Variants in NMU observed in about 807,000 individuals in gnomAD.
NMU encodes neuromedin-U.
Under a neutral mutation model 35.4 loss-of-function variants are expected in NMU, and 29 were observed. The ratio of observed to expected loss-of-function variants is 0.82; its 90% confidence interval spans 0.61 to 1.12. The LOEUF (loss-of-function observed/expected upper bound fraction) is 1.12, where lower values mean the gene tolerates loss of function less well. Ranked by LOEUF, NMU falls within the 50% of genes most tolerant of loss-of-function variation. The pLI, the probability that NMU is intolerant of heterozygous loss-of-function variation, is 0.00. For synonymous variants in NMU, 78 were observed against 81.3 expected, an observed-to-expected ratio of 0.96 and a Z score of 0.22; for missense variants, 199 against 206.2, an observed-to-expected ratio of 0.97 and a Z score of 0.21.
At chr4:55,629,337 G>A (rs988677588) in intron 2 of NMU, among the ~76,000 whole-genome samples, 2 of 151,802 alleles carry the variant, frequency 1.3e-5, no homozygotes, top group African/African-American at 4.8e-5. Flanking sequence ...CTGGGCTGAA[G>A]TGGTCGGGTG....
chr4:55,635,900 G>A (rs948243461), intron 1 of NMU, among the ~76,000 whole-genome samples, 181 bp downstream of exon 1: 1 of 152,228 alleles, frequency 6.6e-6, no homozygotes, highest in African/African-American at 2.4e-5. Flanking sequence ...CTCCTACGTC[G>A]CTAGTTGCCC....
chr4:55,636,328 T>C, upstream of NMU: 3 of 1,287,910 alleles, frequency 2.3e-6, no homozygotes, highest in Non-Finnish European at 3.0e-6. The surrounding 1 kb of genome is among the most constrained non-coding windows in gnomAD (Gnocchi z 4.0). Context: ...AACTTTTAAA[T>C]CTCGCGCACA....
chr4:55,600,599 A>G, intron 7 of NMU, 24 bp from the exon 8 acceptor site: 1 of 1,552,276 alleles, frequency 6.4e-7, no homozygotes, highest in South Asian at 1.1e-5. Flanking sequence ...TGAGGGCATT[A>G]CAAATCACAT....
chr4:55,595,563 T>TATATATATACAC (rs755203914), intron 9 of NMU, among the ~76,000 whole-genome samples, 152 bp from the exon 10 acceptor site: 8,315 of 119,624 alleles, frequency 0.07, 374 homozygotes, highest in East Asian at 0.18. Context: ...TATATATATA[T>TATATATATACAC]ACACACACAC....
intron 1 of NMU, among the ~76,000 whole-genome samples, chr4:55,633,764 C>T (rs753613994): frequency 3.3e-5 from 5 of 152,168 alleles, no homozygotes; most frequent in Non-Finnish European, 5.9e-5. Flanking sequence ...AGTGAGAAAT[C>T]GTTACTGCCA....
At chr4:55,605,384 A>G (rs3805382) in intron 6 of NMU, 35 bp from the exon 7 acceptor site, 468,695 of 1,485,292 alleles carry the variant, frequency 0.32, 78,396 homozygotes, top group East Asian at 0.62. Flanking sequence ...GAATAAGTGC[A>G]TGGCTTCTCA....
At chr4:55,635,415 C>G (rs906200480) in intron 1 of NMU, among the ~76,000 whole-genome samples, 2 of 152,186 alleles carry the variant, frequency 1.3e-5, no homozygotes, top group African/African-American at 4.8e-5. Context: ...CTGTAGCTGT[C>G]GCACTGCCTG....
chr4:55,612,095 T>C lies in NMU; in HGVS notation c.220-2916A>G, dbSNP rs559285710. Reference sequence around the variant, plus strand: ...GAGTTGGCTGCGAGAAAAACTAGAGTGTGAACACTGATACATCCTTTCTCA... The same window carrying C: ...GAGTTGGCTGCGAGAAAAACTAGAGCGTGAACACTGATACATCCTTTCTCA... On this transcript the variant is annotated intron_variant, in intron 3 of 9. Coordinates refer to ENST00000264218, the MANE Select transcript of NMU (RefSeq NM_006681.4). Among the ~76,000 whole-genome samples, 88 of 152,208 alleles carry C rather than the reference T, an allele frequency of 5.8e-4. 1 individual carries two copies. In the South Asian group the frequency reaches 0.017, roughly 30 times the overall value.
At chr4:55,597,345 T>C (rs1264128300) in intron 9 of NMU, among the ~76,000 whole-genome samples, 1 of 151,822 alleles carries the variant, frequency 6.6e-6, no homozygotes, top group East Asian at 1.9e-4. Context: ...TTCTTCTTCT[T>C]CTTCTTTTTG....
chr4:55,632,949 C>T (rs530182911), intron 1 of NMU, among the ~76,000 whole-genome samples: 3 of 141,546 alleles, frequency 2.1e-5, no homozygotes, highest in South Asian at 2.3e-4. Flanking sequence ...CTAAAAAACA[C>T]GTAAACACAG....
chr4:55,607,234 CA>C, intron 6 of NMU, 63 bp downstream of exon 6: 2 of 1,228,132 alleles, frequency 1.6e-6, no homozygotes, highest in South Asian at 1.2e-5. Context: ...TATTATGCTG[CA>C]AAAACAGTTT....
chr4:55,606,907 A>G (rs1372619982), intron 6 of NMU, among the ~76,000 whole-genome samples: 1 of 151,928 alleles, frequency 6.6e-6, no homozygotes, highest in Non-Finnish European at 1.5e-5. Flanking sequence ...CGAACTCTGG[A>G]CTTCAAGTGA....
chr4:55,618,144 T>C (rs534703074), intron 2 of NMU, among the ~76,000 whole-genome samples: 73 of 152,352 alleles, frequency 4.8e-4, no homozygotes, highest in African/African-American at 1.7e-3. Flanking sequence ...TTTAGGTCTC[T>C]ACATATGGTT....
chr4:55,636,470 G>C, upstream of NMU: 1 of 412,506 alleles, frequency 2.4e-6, no homozygotes. This position sits in a 1 kb window ranked among gnomAD's most constrained non-coding sequence, Gnocchi z 4.0. Flanking sequence ...CCTAGCCTGA[G>C]TTTCTGACCC....
At chr4:55,602,774 C>T (rs760261450) in intron 7 of NMU, among the ~76,000 whole-genome samples, 24 of 152,162 alleles carry the variant, frequency 1.6e-4, no homozygotes, top group Non-Finnish European at 3.1e-4. Context: ...TTACATTTCT[C>T]TTTACAGTTG....
At chr4:55,629,544 G>C (rs528157366) in intron 2 of NMU, among the ~76,000 whole-genome samples, 2 of 146,990 alleles carry the variant, frequency 1.4e-5, no homozygotes, top group African/African-American at 2.5e-5. Context: ...GCTTGAACCC[G>C]GGAGGCGGAG....
rs185581414 is a variant in NMU, at chr4:55,608,044, G to A, written c.280-578C>T. Among the ~76,000 whole-genome samples, 84 of 152,014 alleles carry A rather than the reference G, an allele frequency of 5.5e-4. No homozygotes were observed. The East Asian group carries it at 0.015, about 27-fold the overall frequency. On this transcript the variant is annotated intron_variant, in intron 4 of 9. Coordinates refer to ENST00000264218, the MANE Select transcript of NMU (RefSeq NM_006681.4). ...AAAAATTAGCCAGGCCTGGTGGGGC[G>A]AGCGCCTGTAGTCCCAGCTATTCAG...
intron 6 of NMU, among the ~76,000 whole-genome samples, chr4:55,605,797 C>G (rs972781732): frequency 7.9e-5 from 12 of 152,184 alleles, no homozygotes; most frequent in African/African-American, 2.7e-4. Flanking sequence ...TAATAACCTC[C>G]TTTATAAATT....
At chr4:55,619,789 T>C (rs1055047473) in intron 2 of NMU, among the ~76,000 whole-genome samples, 6 of 146,574 alleles carry the variant, frequency 4.1e-5, no homozygotes, top group African/African-American at 1.5e-4. Context: ...AATAGAGCAG[T>C]GGTTCTCCCA....
Sources: allele counts gnomAD v4.1 joint callset (sites outside exome capture counted in the v4.1 genomes callset), GRCh38; gene constraint gnomAD v4.1.1; non-coding constraint Gnocchi (gnomAD v3.1); transcripts MANE v1.5; gene names NCBI Gene and HGNC (gene_info 2026-07-23, HGNC 2026-07-21).